Variants in PCDH11X observed in about 807,000 individuals in gnomAD.
PCDH11X encodes the protein protocadherin-11 X-linked.
PCDH11X carries 18 observed loss-of-function variants against 53.3 expected under a neutral mutation model. The observed-to-expected ratio is 0.34, with a 90% confidence interval of 0.23 to 0.50. PCDH11X has a LOEUF of 0.50. Among genes scored for constraint, PCDH11X ranks in the 20% least tolerant of loss-of-function variants. The pLI, the probability that PCDH11X is intolerant of heterozygous loss-of-function variation, is 0.98. For synonymous variants in PCDH11X, 279 were observed against 393.3 expected (o/e 0.71, Z 3.44); for missense variants, 570 against 1,032.4 (o/e 0.55, Z 6.14).
intron 1 of PCDH11X, among the ~76,000 whole-genome samples, chrX:91,800,887 T>A (rs995652999): frequency 1.9e-5 from 2 of 107,805 alleles, no homozygotes; most frequent in African/African-American, 6.8e-5. Flanking sequence ...TGCTGTTTTT[T>A]AAAAAAAGGT....
intron 6 of PCDH11X, among the ~76,000 whole-genome samples, chrX:92,025,077 T>C (rs1380957919): frequency 3.6e-5 from 4 of 111,700 alleles, no homozygotes; most frequent in Admixed American, 9.5e-5. Flanking sequence ...AAGGACTTCA[T>C]GATGAAAACA....
At chrX:92,257,908 C>G (rs767257592) in intron 7 of PCDH11X, among the ~76,000 whole-genome samples, 1 of 111,957 alleles carries the variant, frequency 8.9e-6, no homozygotes, top group Admixed American at 9.4e-5. Context: ...TTTCTTCTTA[C>G]AGTTCCACTA....
chrX:92,369,094 T>C (rs1389710633), intron 8 of PCDH11X, among the ~76,000 whole-genome samples: 5 of 100,192 alleles, frequency 5.0e-5, no homozygotes, highest in Non-Finnish European at 1.0e-4. Context: ...GGAATGATGA[T>C]ATCTGCTGAA....
chrX:92,147,803 C>CT (rs1294337362), intron 6 of PCDH11X, among the ~76,000 whole-genome samples: 58 of 80,427 alleles, frequency 7.2e-4, no homozygotes, highest in Middle Eastern at 6.1e-3. Context: ...CCTTTCTTTT[C>CT]TTCCTTCCTT....
At chrX:91,934,572 G>A (rs2061423390) in intron 6 of PCDH11X, among the ~76,000 whole-genome samples, 1 of 108,630 alleles carries the variant, frequency 9.2e-6, no homozygotes, top group Admixed American at 1.0e-4. Context: ...TCTCTCTTTA[G>A]GATACTCTAA....
intron 4 of PCDH11X, among the ~76,000 whole-genome samples, chrX:91,833,783 C>T (rs1167144659): frequency 2.7e-5 from 3 of 111,579 alleles, no homozygotes; most frequent in African/African-American, 6.5e-5. Flanking sequence ...TTAAAAAATG[C>T]GGATGTGCAG....
intron 6 of PCDH11X, among the ~76,000 whole-genome samples, chrX:92,008,227 C>T (rs1291875648): frequency 9.0e-6 from 1 of 110,580 alleles, no homozygotes; most frequent in Non-Finnish European, 1.9e-5. Flanking sequence ...CTCACATACA[C>T]GTTGCAATTC....
At chrX:92,022,644 A>T (rs2062904369) in intron 6 of PCDH11X, among the ~76,000 whole-genome samples, 2 of 108,010 alleles carry the variant, frequency 1.9e-5, no homozygotes, top group South Asian at 8.2e-4. Context: ...TAACAAGGAT[A>T]TTCAGGACTT....
chrX:92,029,426 C>T (rs766030752), intron 6 of PCDH11X, among the ~76,000 whole-genome samples: 5 of 112,100 alleles, frequency 4.5e-5, no homozygotes, highest in African/African-American at 1.6e-4. Flanking sequence ...GCTGAAATTT[C>T]TCCCTCTTTC....
At chrX:92,085,815 C>T (rs1189047364) in intron 6 of PCDH11X, among the ~76,000 whole-genome samples, 1 of 111,007 alleles carries the variant, frequency 9.0e-6, no homozygotes, top group Non-Finnish European at 1.9e-5. Flanking sequence ...AGTAAAACAC[C>T]ATTGCAGACA....
intron 10 of PCDH11X, among the ~76,000 whole-genome samples, chrX:92,498,117 A>G (rs2073892413): frequency 8.9e-6 from 1 of 111,946 alleles, no homozygotes; most frequent in African/African-American, 3.2e-5. Context: ...AAGGATTTGC[A>G]TACAGTTTAA....
In PCDH11X at chrX:91,843,263, A is replaced by ATGTGTGTGTGTGTGTGTG. The variant is rs3067347; in HGVS notation, c.540+7241_540+7258dup. On this transcript the variant is annotated intron_variant, in intron 5 of 10. Coordinates refer to ENST00000682573, the MANE Select transcript of PCDH11X (RefSeq NM_032968.5). ...TTATTTTATATATACATACATACTTATGTGTGTGTGTGTGTGTGTGTGTGT... is the reference window on the plus strand; with the variant it reads ...TTATTTTATATATACATACATACTTATGTGTGTGTGTGTGTGTGTGTGTGTGTGTGTGTGTGTGTGTGT... 6.6e-5 allele frequency among the ~76,000 whole-genome samples: 6 copies of ATGTGTGTGTGTGTGTGTG among 91,393 alleles called. 1 individual carries two copies. Among genetic ancestry groups the ATGTGTGTGTGTGTGTGTG allele is most frequent in the African/African-American group, 2.4e-4 (6 of 25,032 alleles). The allele number at this position is 91,393 out of a possible 115,157, so 79.4% of individuals were successfully genotyped here.
intron 6 of PCDH11X, among the ~76,000 whole-genome samples, chrX:91,998,898 T>C (rs186496407): frequency 0.011 from 1,220 of 107,264 alleles, 20 homozygotes; most frequent in African/African-American, 0.039. Flanking sequence ...CTTTTCCTTT[T>C]ATTTTATTTT....
intron 10 of PCDH11X, among the ~76,000 whole-genome samples, chrX:92,493,033 G>A (rs1235191793): frequency 9.0e-6 from 1 of 111,288 alleles, no homozygotes; most frequent in East Asian, 2.8e-4. Context: ...TTCTAAATGT[G>A]AGCAAATAAT....
At position 92,372,519 on chromosome X, in the gene PCDH11X, C is replaced by CTG. The variant is rs1339668300; in HGVS notation, c.3145-15209_3145-15208dup. On this transcript the variant is annotated intron_variant, in intron 8 of 10. Transcript: ENST00000682573. Reference sequence around the variant, plus strand: ...GATCCCGGAAGTTCTAGGGCCTTTGCTGTGTGTGGGATAAACGGTCATGGC... The same window carrying CTG: ...GATCCCGGAAGTTCTAGGGCCTTTGCTGTGTGTGTGGGATAAACGGTCATGGC... Among the ~76,000 whole-genome samples, 9 of 94,879 alleles carry CTG rather than the reference C, an allele frequency of 9.5e-5. No individual in the cohort carries two copies. The East Asian group carries it at 2.3e-3, about 25-fold the overall frequency. 82.4% of individuals were successfully genotyped at this position (94,879 alleles called of 115,157 possible).
At chrX:92,368,148 G>C (rs1261083213) in intron 8 of PCDH11X, among the ~76,000 whole-genome samples, 1 of 101,783 alleles carries the variant, frequency 9.8e-6, no homozygotes, top group East Asian at 3.1e-4. Flanking sequence ...CATAGGTTTG[G>C]TCTTTTCACA....
intron 5 of PCDH11X, among the ~76,000 whole-genome samples, chrX:91,859,252 G>A (rs958459886): frequency 1.8e-5 from 2 of 109,721 alleles, no homozygotes; most frequent in African/African-American, 6.6e-5. Flanking sequence ...ATGTTTTCTG[G>A]TCGCATGTAT....
chrX:92,213,312 G>A (rs1000241929), intron 7 of PCDH11X, among the ~76,000 whole-genome samples: 3 of 111,336 alleles, frequency 2.7e-5, no homozygotes, highest in East Asian at 2.8e-4. Context: ...ATTACTAACG[G>A]CATTATATTA....
intron 6 of PCDH11X, among the ~76,000 whole-genome samples, chrX:92,176,386 C>T (rs5941047): frequency 0.5 from 55,631 of 110,349 alleles, 10,601 homozygotes; most frequent in Non-Finnish European, 0.6. Context: ...AAGTAAAGCT[C>T]CCCTAATCTC....
Sources: gnomAD v4.1 joint callset for allele counts (sites outside exome capture counted in the v4.1 genomes callset) on GRCh38, gnomAD v4.1.1 for gene constraint, MANE v1.5 for transcripts, NCBI Gene and HGNC (gene_info 2026-07-23, HGNC 2026-07-21) for gene names.